Variants in TACR3 observed in about 807,000 individuals in gnomAD.
TACR3 encodes the protein neuromedin-K receptor.
A neutral mutation model predicts 35.0 loss-of-function variants in TACR3; 34 were observed. The observed-to-expected ratio is 0.97, with a 90% CI of 0.74 to 1.30. The LOEUF (loss-of-function observed/expected upper bound fraction) is 1.30, where lower values mean the gene tolerates loss of function less well. TACR3 is among the 50% of genes most tolerant of loss of function. The pLI is 0.00. For synonymous variants in TACR3, 233 were observed against 221.1 expected, an observed-to-expected ratio of 1.05 and a Z score of -0.48; for missense variants, 558 against 591.7, an observed-to-expected ratio of 0.94 and a Z score of 0.59.
At chr4:103,629,878 A>AAAAAAAC (rs1553969648) in intron 3 of TACR3, among the ~76,000 whole-genome samples, 1 of 141,708 alleles carries the variant, frequency 7.1e-6, no homozygotes, top group Non-Finnish European at 1.5e-5. Flanking sequence ...AAAACAAAAA[A>AAAAAAAC]AACAACAACA....
chr4:103,658,499 C>A (rs868012531), intron 1 of TACR3, 96 bp from the exon 2 acceptor site: 10 of 1,176,202 alleles, frequency 8.5e-6, no homozygotes, highest in Middle Eastern at 4.5e-4. Flanking sequence ...TCAATAGTTA[C>A]AGTCATTGCT....
At chr4:103,634,709 A>G (rs944187348) in intron 3 of TACR3, among the ~76,000 whole-genome samples, 6 of 152,112 alleles carry the variant, frequency 3.9e-5, no homozygotes, top group African/African-American at 1.4e-4. Context: ...TTTTCTGTCA[A>G]TAGCGTCCTC....
chr4:103,654,974 G>C (rs3796961), intron 3 of TACR3, among the ~76,000 whole-genome samples: 18,876 of 152,174 alleles, frequency 0.12, 1,402 homozygotes, highest in Non-Finnish European at 0.17. Flanking sequence ...GTAGGTGCCA[G>C]AGGCCATTTG....
In TACR3 at chr4:103,702,614, C is replaced by T. The variant is rs552340901; in HGVS notation, c.548+16514G>A. On this transcript the variant is annotated intron_variant, in intron 1 of 4. Transcript: ENST00000304883. ...CACACATGCACATGTATGTTTATTG[C>T]GGCACTATTCACAATAGCAAAGACT... is the stretch of plus-strand genomic sequence containing the variant. Among the ~76,000 whole-genome samples the T allele has an allele frequency of 1.9e-4, 29 of 151,928 alleles. No homozygotes were observed. The South Asian group carries it at 2.3e-3, about 12-fold the overall frequency.
chr4:103,698,420 T>C (rs1722574076), intron 1 of TACR3, among the ~76,000 whole-genome samples: 1 of 147,888 alleles, frequency 6.8e-6, no homozygotes, highest in African/African-American at 2.7e-5. Context: ...CAAATCTTTT[T>C]CTCCATTGAT....
intron 1 of TACR3, among the ~76,000 whole-genome samples, chr4:103,714,140 G>A (rs567862106): frequency 6.6e-6 from 1 of 151,824 alleles, no homozygotes; most frequent in South Asian, 2.1e-4. Flanking sequence ...TTTACACTGG[G>A]GATATACTTT....
At chr4:103,646,360 T>C (rs1725454396) in intron 3 of TACR3, among the ~76,000 whole-genome samples, 1 of 152,036 alleles carries the variant, frequency 6.6e-6, no homozygotes, top group African/African-American at 2.4e-5. Context: ...TAAATAATCT[T>C]TGACGAATGA....
intron 3 of TACR3, among the ~76,000 whole-genome samples, chr4:103,627,147 A>C (rs1311414194): frequency 3.8e-5 from 5 of 130,264 alleles, no homozygotes; most frequent in Non-Finnish European, 6.2e-5. Context: ...ATGCCATTGC[A>C]TTCCAGCCCA....
At chr4:103,627,181 CAAAAAAAAAA>C (rs33988758) in intron 3 of TACR3, among the ~76,000 whole-genome samples, 1,346 of 24,632 alleles carry the variant, frequency 0.055, 37 homozygotes, top group African/African-American at 0.19. Context: ...GACTCCGTCT[CAAAAAAAAAA>C]AAAAAAAAAA....
chr4:103,693,081 G>C (rs1392505041), intron 1 of TACR3, among the ~76,000 whole-genome samples: 2 of 151,926 alleles, frequency 1.3e-5, no homozygotes, highest in African/African-American at 4.8e-5. Context: ...TAAATATCCT[G>C]GTTCATTTTT....
At chr4:103,696,139 T>C (rs529988579) in intron 1 of TACR3, among the ~76,000 whole-genome samples, 1 of 152,248 alleles carries the variant, frequency 6.6e-6, no homozygotes, top group African/African-American at 2.4e-5. Context: ...ATCTATTGAT[T>C]ACCAAACTTA....
At chr4:103,615,075 T>G (rs1443381017) in intron 3 of TACR3, among the ~76,000 whole-genome samples, 1 of 151,804 alleles carries the variant, frequency 6.6e-6, no homozygotes, top group Non-Finnish European at 1.5e-5. Flanking sequence ...TTTTGTATTT[T>G]TTAGTAGAGA....
intron 3 of TACR3, among the ~76,000 whole-genome samples, chr4:103,592,784 G>T (rs937257508): frequency 6.6e-6 from 1 of 152,192 alleles, no homozygotes; most frequent in Admixed American, 6.6e-5. Flanking sequence ...TCATTTGACT[G>T]CAAATTAGGG....
intron 3 of TACR3, among the ~76,000 whole-genome samples, chr4:103,652,026 T>C (rs1269363541): frequency 1.3e-5 from 2 of 152,044 alleles, no homozygotes; most frequent in African/African-American, 4.8e-5. Flanking sequence ...CAGTTCCTTT[T>C]GAACCCATGA....
chr4:103,709,352 C>T (rs994824055), intron 1 of TACR3, among the ~76,000 whole-genome samples: 3 of 152,174 alleles, frequency 2.0e-5, no homozygotes, highest in Non-Finnish European at 4.4e-5. Context: ...GGCCAATATT[C>T]AACATTCTTA....
At position 103,702,558 on chromosome 4, in the gene TACR3, CCCAAAGGATTATAAAT is replaced by C. The variant is rs1365283328; in HGVS notation, c.548+16554_548+16569del. Among the ~76,000 whole-genome samples, 12 of 152,140 alleles carry C rather than the reference CCCAAAGGATTATAAAT, an allele frequency of 7.9e-5. No individual in the cohort carries two copies. In the South Asian group the frequency reaches 2.1e-3, roughly 26 times the overall value. On this transcript the variant is annotated intron_variant, in intron 1 of 4. Coordinates refer to ENST00000304883, the MANE Select transcript of TACR3 (RefSeq NM_001059.3). Reference sequence around the variant, plus strand: ...CAGACATCCTATTACTGGGTATATACCCAAAGGATTATAAATCATGCTGCTATAAACACACATGCAC... The same window carrying C: ...CAGACATCCTATTACTGGGTATATACCATGCTGCTATAAACACACATGCAC...
At chr4:103,641,236 T>A (rs1161993814) in intron 3 of TACR3, among the ~76,000 whole-genome samples, 1 of 151,962 alleles carries the variant, frequency 6.6e-6, no homozygotes, top group Admixed American at 6.6e-5. Context: ...ATTTCTGGGC[T>A]CACTGTTCTG....
chr4:103,672,114 G>A (rs551422033), intron 1 of TACR3, among the ~76,000 whole-genome samples: 2 of 152,080 alleles, frequency 1.3e-5, no homozygotes, highest in Non-Finnish European at 2.9e-5. Flanking sequence ...CAACATTAAA[G>A]TTTGATTATG....
chr4:103,703,108 TAAAC>T (rs1722699551), intron 1 of TACR3, among the ~76,000 whole-genome samples: 1 of 152,204 alleles, frequency 6.6e-6, no homozygotes, highest in Non-Finnish European at 1.5e-5. Context: ...CAAAAGTATT[TAAAC>T]AAAGTTTAAT....
Sources: gnomAD v4.1 joint callset for allele counts (sites outside exome capture counted in the v4.1 genomes callset) on GRCh38, gnomAD v4.1.1 for gene constraint, MANE v1.5 for transcripts, NCBI Gene and HGNC (gene_info 2026-07-23, HGNC 2026-07-21) for gene names.